The following WEE2 variants were observed in gnomAD, a reference collection of about 807,000 sequenced individuals.
The protein encoded by WEE2 is WEE2 oocyte meiosis inhibiting kinase.
Under a neutral mutation model 60.1 loss-of-function variants are expected in WEE2, and 50 were observed. The observed-to-expected ratio is 0.83, with a 90% CI of 0.66 to 1.05. The LOEUF (loss-of-function observed/expected upper bound fraction) is 1.05. Ranked by LOEUF, WEE2 falls within the 50% of genes least tolerant of loss-of-function variation. WEE2 has a pLI of 0.00. For synonymous variants in WEE2, 240 were observed against 241.0 expected, an observed-to-expected ratio of 1.00 and a Z score of 0.04; for missense variants, 631 against 684.3, an observed-to-expected ratio of 0.92 and a Z score of 0.87.
Position 141,722,154 on chromosome 7 carries a change from C to T in WEE2, c.881-980C>T, listed in dbSNP as rs560563768. Among the ~76,000 whole-genome samples the T allele has an allele frequency of 2.4e-4, 36 of 152,162 alleles. 1 individual carries two copies. The highest frequency in any genetic ancestry group is 8.4e-4 in the African/African-American group (35 of 41,538). On this transcript the variant is annotated intron_variant, in intron 5 of 11. Transcript: ENST00000397541. Reference sequence around the variant, plus strand: ...GGCGCAATGGCTCATGCCTGTAATCCCAGCACTTTGGGAGGCCGAGGCGGG... The same window carrying T: ...GGCGCAATGGCTCATGCCTGTAATCTCAGCACTTTGGGAGGCCGAGGCGGG...
At chr7:141,721,794 C>T (rs1162031380) in intron 5 of WEE2, among the ~76,000 whole-genome samples, 6 of 152,068 alleles carry the variant, frequency 3.9e-5, no homozygotes, top group Admixed American at 6.6e-5. Context: ...AGCTCCAAAA[C>T]GCTCTTTCCT....
intron 10 of WEE2, among the ~76,000 whole-genome samples, chr7:141,728,686 C>T (rs1276283938): frequency 1.3e-5 from 2 of 152,140 alleles, no homozygotes; most frequent in African/African-American, 2.4e-5. Flanking sequence ...GTCCCCAGCC[C>T]CTGGGCCATG....
chr7:141,713,088 A>C (rs1420159719), intron 1 of WEE2, among the ~76,000 whole-genome samples: 2 of 152,212 alleles, frequency 1.3e-5, no homozygotes, highest in African/African-American at 4.8e-5. Flanking sequence ...TTCACTTAAA[A>C]AAAAGGCTAG....
chr7:141,727,312 C>G lies in WEE2; in HGVS notation c.1401C>G (p.Ile467Met). 3 of 1,613,938 alleles carry G rather than the reference C, an allele frequency of 1.9e-6. No individual in the cohort carries two copies. Among genetic ancestry groups the G allele is most frequent in the Non-Finnish European group, 2.5e-6 (3 of 1,179,910 alleles). The change falls in exon 10 of 12, where the codon ATC (isoleucine) becomes ATG (methionine). Residue 467 changes from isoleucine to methionine, a missense_variant. Coordinates refer to ENST00000397541, the MANE Select transcript of WEE2 (RefSeq NM_001105558.1). ...TGGTCCTATATCATCAGAACATGAT[C>G]CAACCTGATGCCGAACAGAGACCTT... ...ESFSSLLKNMIQPDAEQRPSA... is the reference protein window; with the variant it reads ...ESFSSLLKNMMQPDAEQRPSA...
In WEE2 at chr7:141,715,773, A is replaced by C. The variant is rs148694572; in HGVS notation, c.540-449A>C. On this transcript the variant is annotated intron_variant, in intron 2 of 11. Coordinates refer to ENST00000397541, the MANE Select transcript of WEE2 (RefSeq NM_001105558.1). ...TGCTTTGGTGTCAGACCTGGCTCCA[A>C]GTCCCAGTTCTGCCACTTGCTAATT... 3.5e-3 allele frequency among the ~76,000 whole-genome samples: 526 copies of C among 152,332 alleles called. 2 individuals are homozygous for C. Among genetic ancestry groups the C allele is most frequent in the Admixed American group, 7.8e-3 (119 of 15,306 alleles).
In WEE2 at chr7:141,723,187, G is replaced by C. The variant is rs1798950269; in HGVS notation, c.934G>C (p.Glu312Gln). The change falls in exon 6 of 12, where the codon GAA becomes CAA. Residue 312 changes from glutamate (E) to glutamine (Q), a missense_variant. Glu to Gln is a conservative substitution (Grantham distance 29, BLOSUM62 2). Transcript: ENST00000397541. Reference protein sequence around the residue: ...SENTKSGNHFEEPKLKDILLQ... With the variant: ...SENTKSGNHFQEPKLKDILLQ... ...AAACACTAAGTCTGGCAATCATTTT[G>C]AAGAGCCAAAACTCAAGGACATCCT... is the stretch of plus-strand genomic sequence containing the variant. 3 of 1,614,066 alleles carry C rather than the reference G, an allele frequency of 1.9e-6. No individual in the cohort carries two copies. Among genetic ancestry groups the C allele is most frequent in the Admixed American group, 3.3e-5 (2 of 60,004 alleles).
chr7:141,724,065 G>C lies in WEE2; in HGVS notation c.1135+17G>C. ...ATAAAATTGGTTAGTCTGCCTTATA[G>C]CCTTACCAGTTACCATTATCCTATA... On this transcript the variant is annotated intron_variant, in intron 7 of 11. Transcript: ENST00000397541. 6.3e-7 allele frequency: 1 copy of C among 1,593,458 alleles called. No individual in the cohort carries two copies. The highest frequency in any genetic ancestry group is 8.6e-7 in the Non-Finnish European group (1 of 1,165,406).
Position 141,719,368 on chromosome 7 carries a change from A to T in WEE2, c.758+124A>T, listed in dbSNP as rs75737777. 3,493 of 891,524 alleles carry T rather than the reference A, an allele frequency of 3.9e-3. 88 individuals carry two copies. In the African/African-American group the frequency reaches 0.053, roughly 14 times the overall value. The allele number at this position is 891,524 out of a possible 1,614,324, so 55.2% of individuals were successfully genotyped here. On this transcript the variant is annotated intron_variant, in intron 4 of 11. Transcript: ENST00000397541. ...CATTTGTGTTTTAAAATCACCCCACATTATATGTTATCTCATATTCATAAC... is the reference window on the plus strand; with the variant it reads ...CATTTGTGTTTTAAAATCACCCCACTTTATATGTTATCTCATATTCATAAC...
intron 3 of WEE2, among the ~76,000 whole-genome samples, chr7:141,717,065 T>C (rs566475445): frequency 2.6e-5 from 4 of 152,284 alleles, no homozygotes; most frequent in East Asian, 3.9e-4. Context: ...CATTAAGATG[T>C]TTATAACACC....
intron 3 of WEE2, among the ~76,000 whole-genome samples, chr7:141,718,422 C>T (rs1798846536): frequency 6.6e-6 from 1 of 152,022 alleles, no homozygotes; most frequent in Non-Finnish European, 1.5e-5. Context: ...CTTCATCCTA[C>T]AGATAGGAAA....
At chr7:141,727,225 G>C (rs1799033131) in intron 9 of WEE2, 79 bp from the exon 10 acceptor site, 1 of 1,472,160 alleles carries the variant, frequency 6.8e-7, no homozygotes, top group Admixed American at 2.1e-5. Flanking sequence ...GGAGAAGCTG[G>C]GTTGGAGTTG....
At chr7:141,727,541 T>G in intron 10 of WEE2, 95 bp downstream of exon 10, 1 of 1,473,230 alleles carries the variant, frequency 6.8e-7, no homozygotes, top group African/African-American at 1.4e-5. Context: ...GATTCAAGTA[T>G]AAATATATTC....
intron 10 of WEE2, chr7:141,727,774 T>C (rs1799046147): frequency 3.8e-6 from 1 of 262,810 alleles, no homozygotes; most frequent in South Asian, 9.1e-5. Flanking sequence ...GATCACCTAA[T>C]ATAAGATAAC....
At chr7:141,723,770 C>G (rs1798962547) in intron 6 of WEE2, 171 bp from the exon 7 acceptor site, 2 of 539,886 alleles carry the variant, frequency 3.7e-6, no homozygotes, top group East Asian at 6.1e-5. Context: ...TTATCAATCA[C>G]TAGCTGTTCA....
rs775510018 is a variant in WEE2 at position 141,709,088 on chromosome 7, C to A, written c.330C>A (p.Pro110=). The A allele has an allele frequency of 1.9e-6, 3 of 1,612,752 alleles. No homozygotes were observed. The highest frequency in any genetic ancestry group is 2.5e-6 in the Non-Finnish European group (3 of 1,178,996). The change falls in exon 1 of 12, where the codon CCC becomes CCA. Residue 110 remains proline, a synonymous_variant. Coordinates refer to ENST00000397541, the MANE Select transcript of WEE2 (RefSeq NM_001105558.1). ...SRSKLLPSDS[P]STPKTMLSRL... ...GCAAGCTGCTGCCCAGTGACAGCCCCTCTACTCCCAAAGTAAGTAAGGGGT... is the reference window on the plus strand; with the variant it reads ...GCAAGCTGCTGCCCAGTGACAGCCCATCTACTCCCAAAGTAAGTAAGGGGT...
chr7:141,714,309 C>T lies in WEE2; in HGVS notation c.443C>T (p.Thr148Ile). ...LTPAPLKDEM[T>I]SLALVNINPF... ...CCTGCTCCCCTCAAGGATGAGATGA[C>T]CTCATTGGCTCTGGTCAATATTAAT... The change falls in exon 2 of 12, where the codon ACC (threonine) becomes ATC (isoleucine). Residue 148 changes from threonine to isoleucine, a missense_variant. By Grantham distance (89) the Thr-to-Ile change is moderately conservative. Coordinates refer to ENST00000397541, the MANE Select transcript of WEE2 (RefSeq NM_001105558.1). The T allele has an allele frequency of 6.2e-7, 1 of 1,613,854 alleles. No homozygotes were observed.
chr7:141,729,717 G>T lies in WEE2; in HGVS notation c.1678+44G>T, dbSNP rs150083960. ...AAGAACTCATTTTGCAGCCGGGCGT[G>T]GTGGCTCACGCCTGTAATCCCAACA... On this transcript the variant is annotated intron_variant, in intron 11 of 11. Coordinates refer to ENST00000397541, the MANE Select transcript of WEE2 (RefSeq NM_001105558.1). 3.0e-5 allele frequency: 48 copies of T among 1,579,444 alleles called. No homozygotes were observed. The African/African-American group carries it at 5.8e-4, about 19-fold the overall frequency.
Position 141,709,073 on chromosome 7 carries a change from G to A in WEE2, c.315G>A (p.Leu105=), listed in dbSNP as rs1798669625. The part of the protein sequence containing the change: ...PAQPDSRSKL[L]PSDSPSTPKT... Reference sequence around the variant, plus strand: ...AACCAGACAGCAGGAGCAAGCTGCTGCCCAGTGACAGCCCCTCTACTCCCA... The same window carrying A: ...AACCAGACAGCAGGAGCAAGCTGCTACCCAGTGACAGCCCCTCTACTCCCA... The change falls in exon 1 of 12, where the codon CTG becomes CTA. Residue 105 remains leucine (L), a synonymous_variant. Coordinates refer to ENST00000397541, the MANE Select transcript of WEE2 (RefSeq NM_001105558.1). 1 of 1,613,918 alleles carries A rather than the reference G, an allele frequency of 6.2e-7. No individual in the cohort carries two copies. Among genetic ancestry groups the A allele is most frequent in the Admixed American group, 1.7e-5 (1 of 60,016 alleles).
At chr7:141,727,552 AC>A in intron 10 of WEE2, 106 bp downstream of exon 10, 1 of 1,424,002 alleles carries the variant, frequency 7.0e-7, no homozygotes, top group Non-Finnish European at 9.5e-7. Context: ...AAATATATTC[AC>A]CATTATAATA....
Sources: allele counts gnomAD v4.1 joint callset (sites outside exome capture counted in the v4.1 genomes callset), GRCh38; gene constraint gnomAD v4.1.1; transcripts MANE v1.5; gene names NCBI Gene and HGNC (gene_info 2026-07-23, HGNC 2026-07-21).